The following FGFR1OP2 variants were observed in gnomAD, a reference collection of about 807,000 sequenced individuals.
The protein encoded by FGFR1OP2 is FGFR1 oncogene partner 2.
Under a neutral mutation model 35.2 loss-of-function variants are expected in FGFR1OP2, and 17 were observed. The observed-to-expected ratio is 0.48, with a 90% CI of 0.33 to 0.73. FGFR1OP2 has a LOEUF of 0.73. Among genes scored for constraint, FGFR1OP2 ranks in the 30% least tolerant of loss-of-function variants. The pLI, the probability that FGFR1OP2 is intolerant of heterozygous loss-of-function variation, is 0.02. For synonymous variants in FGFR1OP2, 105 were observed against 104.6 expected (o/e 1.00, Z -0.03); for missense variants, 251 against 307.3 (o/e 0.82, Z 1.37).
At chr12:26,945,206 C>G (rs1312590776) in intron 1 of FGFR1OP2, among the ~76,000 whole-genome samples, 1 of 151,626 alleles carries the variant, frequency 6.6e-6, no homozygotes, top group Admixed American at 6.6e-5. Context: ...CTTTCTTGTT[C>G]TCAATTTCGT....
At chr12:26,953,463 C>A (rs1016427555) in intron 1 of FGFR1OP2, 7 of 152,108 alleles carry the variant, frequency 4.6e-5, no homozygotes, top group African/African-American at 1.7e-4. Context: ...TACTCTTAAA[C>A]ATATTGCTTA....
chr12:26,945,042 G>A (rs1210762632), intron 1 of FGFR1OP2, among the ~76,000 whole-genome samples: 1 of 152,106 alleles, frequency 6.6e-6, no homozygotes, highest in East Asian at 1.9e-4. Context: ...GGAATTAGAG[G>A]TCTGTAGTGA....
Position 26,960,859 on chromosome 12 carries a change from AG to A in FGFR1OP2, c.510+233del, listed in dbSNP as rs551830828. On this transcript the variant is annotated intron_variant, in intron 5 of 6. Transcript: ENST00000229395. ...CCTGTTAGATATTTGCAGGTTTTAT[AG>A]GTTATTCAGTCCAACGCTTTATTTA... 218 of 439,530 alleles carry A rather than the reference AG, an allele frequency of 5.0e-4. 1 individual carries two copies. The highest frequency in any genetic ancestry group is 4.2e-3 in the African/African-American group (210 of 50,126). 27.2% of individuals were successfully genotyped at this position (439,530 alleles called of 1,614,324 possible). A position where few individuals can be genotyped will look rare whatever the true frequency, so the allele number is the denominator to read the frequency against.
rs150647890 is a variant in FGFR1OP2, at chr12:26,946,063, T to C, written c.-15+7353T>C. On this transcript the variant is annotated intron_variant, in intron 1 of 6. Coordinates refer to ENST00000229395, the MANE Select transcript of FGFR1OP2 (RefSeq NM_015633.3). Reference sequence around the variant, plus strand: ...GTGGATGCTGTTCATTTTGCCTATATTGCTGATTTTTGTGTACAAAGTCTG... The same window carrying C: ...GTGGATGCTGTTCATTTTGCCTATACTGCTGATTTTTGTGTACAAAGTCTG... Among the ~76,000 whole-genome samples, 57 of 152,274 alleles carry C rather than the reference T, an allele frequency of 3.7e-4. 1 individual carries two copies. Among genetic ancestry groups the C allele is most frequent in the Non-Finnish European group, 2.5e-4 (17 of 68,020 alleles).
chr12:26,951,530 G>A (rs376005311), intron 1 of FGFR1OP2, among the ~76,000 whole-genome samples: 2 of 152,186 alleles, frequency 1.3e-5, no homozygotes, highest in African/African-American at 4.8e-5. Context: ...ATGTTGGGCA[G>A]GCTGGTCTTG....
chr12:26,949,732 C>T lies in FGFR1OP2; in HGVS notation c.-14-4413C>T, dbSNP rs149040204. Among the ~76,000 whole-genome samples, 6 of 152,072 alleles carry T rather than the reference C, an allele frequency of 3.9e-5. No individual in the cohort carries two copies. In the South Asian group the frequency reaches 1.2e-3, roughly 32 times the overall value. On this transcript the variant is annotated intron_variant, in intron 1 of 6. Coordinates refer to ENST00000229395, the MANE Select transcript of FGFR1OP2 (RefSeq NM_015633.3). ...TAGCTGGGATTACAGGCGCATGCCACCACACCCAGCTAATTTTTGTATTTT... is the reference window on the plus strand; with the variant it reads ...TAGCTGGGATTACAGGCGCATGCCATCACACCCAGCTAATTTTTGTATTTT...
chr12:26,963,355 A>G lies in FGFR1OP2; in HGVS notation c.524A>G (p.His175Arg). Residue 175 changes from histidine (H) to arginine (R), a missense_variant, in exon 6 of 7, where the codon CAT becomes CGT. Coordinates refer to ENST00000229395, the MANE Select transcript of FGFR1OP2 (RefSeq NM_015633.3). ...LEANQNELQA[H>R]VDQITEMAAV... ...CCTCTTTTTCAGGAACTGCAAGCAC[A>G]TGTTGACCAGATAACTGAAATGGCA... is the stretch of plus-strand genomic sequence containing the variant. 6.2e-7 allele frequency: 1 copy of G among 1,608,130 alleles called. No individual in the cohort carries two copies. Among genetic ancestry groups the G allele is most frequent in the South Asian group, 1.1e-5 (1 of 90,334 alleles).
intron 3 of FGFR1OP2, among the ~76,000 whole-genome samples, chr12:26,957,198 C>G (rs935975940): frequency 3.9e-5 from 6 of 152,148 alleles, no homozygotes; most frequent in African/African-American, 1.4e-4. Context: ...CTTCACTTTT[C>G]AACTGAGGGA....
At chr12:26,959,518 A>G (rs941963413) in intron 4 of FGFR1OP2, among the ~76,000 whole-genome samples, 38 of 152,202 alleles carry the variant, frequency 2.5e-4, no homozygotes, top group Admixed American at 2.2e-3. Flanking sequence ...TAGGATAACT[A>G]TAGCTTGCAG....
chr12:26,957,518 C>T (rs1047351063), intron 3 of FGFR1OP2, 83 bp from the exon 4 acceptor site: 4 of 1,209,240 alleles, frequency 3.3e-6, no homozygotes, highest in South Asian at 1.6e-5. Flanking sequence ...TAAAATGTCC[C>T]GTTCATAAGT....
intron 1 of FGFR1OP2, among the ~76,000 whole-genome samples, chr12:26,942,397 A>G (rs1938750638): frequency 6.6e-6 from 1 of 152,232 alleles, no homozygotes; most frequent in African/African-American, 2.4e-5. Flanking sequence ...TCTTGCCCAA[A>G]TGACAGTATA....
chr12:26,957,146 A>T (rs1939034538), intron 3 of FGFR1OP2, among the ~76,000 whole-genome samples: 6 of 151,900 alleles, frequency 3.9e-5, no homozygotes, highest in Admixed American at 3.9e-4. Flanking sequence ...CTTCCTAAAC[A>T]CGTCATCTGT....
chr12:26,939,326 C>T (rs1938667248), intron 1 of FGFR1OP2, among the ~76,000 whole-genome samples: 1 of 150,324 alleles, frequency 6.7e-6, no homozygotes, highest in Admixed American at 6.7e-5. Context: ...TAGAGTTATT[C>T]TGAAATACAT....
rs1305896825 is a variant in FGFR1OP2, at chr12:26,938,539, C to T, written c.-186C>T. 4 of 152,264 alleles carry T rather than the reference C, an allele frequency of 2.6e-5. No homozygotes were observed. The highest frequency in any genetic ancestry group is 5.9e-5 in the Non-Finnish European group (4 of 68,068). 9.4% of individuals were successfully genotyped at this position (152,264 alleles called of 1,614,324 possible). A position where few individuals can be genotyped will look rare whatever the true frequency, so the allele number is the denominator to read the frequency against. On this transcript the variant is annotated 5_prime_UTR_variant, in exon 1 of 7. Transcript: ENST00000229395. ...ACCCCGCCGGTGATGGCGTTGAACGCCACTGGCTTCCCGGCCTTCCGTCCG... is the reference window on the plus strand; with the variant it reads ...ACCCCGCCGGTGATGGCGTTGAACGTCACTGGCTTCCCGGCCTTCCGTCCG...
At chr12:26,960,857 A>C (rs979419332) in intron 5 of FGFR1OP2, 1 of 480,448 alleles carries the variant, frequency 2.1e-6, no homozygotes, top group Non-Finnish European at 3.2e-6. Context: ...TGCAGGTTTT[A>C]TAGGTTATTC....
At chr12:26,953,078 C>T (rs929452421) in intron 1 of FGFR1OP2, among the ~76,000 whole-genome samples, 3 of 151,736 alleles carry the variant, frequency 2.0e-5, no homozygotes, top group Non-Finnish European at 2.9e-5. Flanking sequence ...CTGGCTAACA[C>T]AGTGAAACCC....
Position 26,957,750 on chromosome 12 carries a change from C to T in FGFR1OP2, c.396+7C>T. ...AAAAGAGCAGCACTCCAAGGTAATC[C>T]ATTCTATAAATGTGACCTGAAATGG... On this transcript the variant is annotated splice_region_variant and intron_variant, in intron 4 of 6. Transcript: ENST00000229395. 1 of 1,604,424 alleles carries T rather than the reference C, an allele frequency of 6.2e-7. No individual in the cohort carries two copies. Among genetic ancestry groups the T allele is most frequent in the African/African-American group, 1.3e-5 (1 of 74,330 alleles).
intron 1 of FGFR1OP2, among the ~76,000 whole-genome samples, chr12:26,946,158 T>A (rs1177301323): frequency 1.3e-5 from 2 of 152,188 alleles, no homozygotes; most frequent in East Asian, 3.8e-4. Context: ...TCCCTTCAGT[T>A]GTTTGAGTTA....
chr12:26,965,177 T>C lies in FGFR1OP2; in HGVS notation c.*444T>C, dbSNP rs1334117873. 1 of 155,478 alleles carries C rather than the reference T, an allele frequency of 6.4e-6. No individual in the cohort carries two copies. Among genetic ancestry groups the C allele is most frequent in the African/African-American group, 2.4e-5 (1 of 41,500 alleles). 9.6% of individuals were successfully genotyped at this position (155,478 alleles called of 1,614,324 possible). ...GGCGTCAAAGTTGATGCAAAGTTTA[T>C]GTACCATGAGACTTCTAGTGATTGC... On this transcript the variant is annotated 3_prime_UTR_variant, in exon 7 of 7. Transcript: ENST00000229395.
Sources: gnomAD v4.1 joint callset for allele counts (sites outside exome capture counted in the v4.1 genomes callset) on GRCh38, gnomAD v4.1.1 for gene constraint, MANE v1.5 for transcripts, NCBI Gene and HGNC (gene_info 2026-07-23, HGNC 2026-07-21) for gene names.